Variants in CACNA1B observed in about 807,000 individuals in gnomAD.
CACNA1B encodes calcium voltage-gated channel subunit alpha1 B.
A neutral mutation model predicts 247.2 loss-of-function variants in CACNA1B; 70 were observed. The observed-to-expected ratio is 0.28, with a 90% CI of 0.23 to 0.35. The LOEUF (loss-of-function observed/expected upper bound fraction) is 0.35, where lower values mean the gene tolerates loss of function less well. Among genes scored for constraint, CACNA1B ranks in the 10% least tolerant of loss-of-function variants. The probability of loss-of-function intolerance (pLI) is 1.00; values close to 1 mark genes in which losing one functional copy is unlikely to be tolerated. For synonymous variants in CACNA1B, 1,231 were observed against 1,294.4 expected (o/e 0.95, Z 1.05); for missense variants, 2,367 against 3,197.4 (o/e 0.74, Z 6.26).
intron 36 of CACNA1B, among the ~76,000 whole-genome samples, chr9:138,080,108 G>A (rs1046958089): frequency 2.6e-5 from 4 of 152,196 alleles, no homozygotes; most frequent in African/African-American, 7.2e-5. Flanking sequence ...CAGCTGGCAT[G>A]GCTGTGCTTT....
intron 36 of CACNA1B, among the ~76,000 whole-genome samples, chr9:138,087,795 T>G (rs147679242): frequency 6.7e-6 from 1 of 149,198 alleles, no homozygotes; most frequent in Admixed American, 6.7e-5. Context: ...ACACATGTCA[T>G]GATAACTTGA....
At chr9:137,920,976 C>G (rs1413320203) in intron 6 of CACNA1B, among the ~76,000 whole-genome samples, 1 of 152,188 alleles carries the variant, frequency 6.6e-6, no homozygotes. Context: ...CTTTAGATAA[C>G]TATTTTCATA....
Position 138,058,778 on chromosome 9 carries a change from T to G in CACNA1B, c.4473+45T>G. The G allele has an allele frequency of 6.5e-7, 1 of 1,542,906 alleles. No individual in the cohort carries two copies. Among genetic ancestry groups the G allele is most frequent in the Non-Finnish European group, 8.8e-7 (1 of 1,135,616 alleles). On this transcript the variant is annotated intron_variant, in intron 29 of 46. Transcript: ENST00000371372. The surrounding 1 kb of genome is among the most constrained non-coding windows in gnomAD (Gnocchi z 4.7). Reference sequence around the variant, plus strand: ...GAGGGGCAGCTGGCGCTGCTAGGGATTGGGATCTAACCCTGAGGCTGAGTG... The same window carrying G: ...GAGGGGCAGCTGGCGCTGCTAGGGAGTGGGATCTAACCCTGAGGCTGAGTG...
intron 11 of CACNA1B, among the ~76,000 whole-genome samples, chr9:137,975,449 A>C (rs560378513): frequency 6.6e-6 from 1 of 151,988 alleles, no homozygotes; most frequent in East Asian, 1.9e-4. Context: ...GGAGATTCTG[A>C]CAAGGAGGTT....
chr9:138,080,442 AT>A (rs777394886), intron 36 of CACNA1B, among the ~76,000 whole-genome samples: 9 of 152,214 alleles, frequency 5.9e-5, no homozygotes, highest in Non-Finnish European at 1.2e-4. Context: ...CCGTCATTAC[AT>A]TATCATTGCA....
intron 20 of CACNA1B, among the ~76,000 whole-genome samples, chr9:138,043,034 G>C (rs923386017): frequency 6.6e-6 from 1 of 152,204 alleles, no homozygotes; most frequent in Non-Finnish European, 1.5e-5. Flanking sequence ...TAGGATAGTT[G>C]AAAATGAAGA....
Position 138,120,713 on chromosome 9 carries a change from G to A in CACNA1B, c.6321G>A (p.Glu2107=). The A allele has an allele frequency of 6.5e-7, 1 of 1,531,322 alleles. No individual in the cohort carries two copies. The highest frequency in any genetic ancestry group is 8.8e-7 in the Non-Finnish European group (1 of 1,142,324). 94.9% of individuals were successfully genotyped at this position (1,531,322 alleles called of 1,614,324 possible). A position where few individuals can be genotyped will look rare whatever the true frequency, so the allele number is the denominator to read the frequency against. The change falls in exon 46 of 47, where the codon GAG becomes GAA. Residue 2107 remains glutamate (E), a synonymous_variant. Coordinates refer to ENST00000371372, the MANE Select transcript of CACNA1B (RefSeq NM_000718.4). ...GGCGGGAACGAGAGCGCCGGCAGGA[G>A]CGGGGCCGGTCCCAGGAGCGGAGGC... is the stretch of plus-strand genomic sequence containing the variant. ...GCRRERERRQ[E]RGRSQERRQP...
Position 138,102,441 on chromosome 9 carries a change from C to T in CACNA1B, c.5223-270C>T, listed in dbSNP as rs1210634942. On this transcript the variant is annotated intron_variant, in intron 37 of 46. Coordinates refer to ENST00000371372, the MANE Select transcript of CACNA1B (RefSeq NM_000718.4). This position sits in a 1 kb window ranked among gnomAD's most constrained non-coding sequence, Gnocchi z 5.4. ...CCCTCCATGTTCATTAGCTCAGACGCCACCCCCGCCCACTGCCCCGCGTGG... is the reference window on the plus strand; with the variant it reads ...CCCTCCATGTTCATTAGCTCAGACGTCACCCCCGCCCACTGCCCCGCGTGG... 6.6e-6 allele frequency among the ~76,000 whole-genome samples: 1 copy of T among 152,186 alleles called. No individual in the cohort carries two copies. Among genetic ancestry groups the T allele is most frequent in the Non-Finnish European group, 1.5e-5 (1 of 68,040 alleles).
chr9:138,073,856 A>G lies in CACNA1B; in HGVS notation c.4792-145A>G. ...TTAGAGATAAAGAAACTGGGGCATC[A>G]CTTGGTGGAGGGGCTTGGTGGCCAG... On this transcript the variant is annotated intron_variant, in intron 33 of 46. Transcript: ENST00000371372. The surrounding 1 kb of genome is among the most constrained non-coding windows in gnomAD (Gnocchi z 6.4). 1.4e-6 allele frequency: 1 copy of G among 691,036 alleles called. No individual in the cohort carries two copies. Among genetic ancestry groups the G allele is most frequent in the East Asian group, 2.5e-5 (1 of 39,558 alleles). The allele number at this position is 691,036 out of a possible 1,614,324, so 42.8% of individuals were successfully genotyped here.
At position 138,121,551 on chromosome 9, in the gene CACNA1B, C is replaced by T. The variant is rs201164368; in HGVS notation, c.6572C>T (p.Pro2191Leu). 8.0e-5 allele frequency: 128 copies of T among 1,600,728 alleles called. No homozygotes were observed. The highest frequency in any genetic ancestry group is 1.0e-4 in the Non-Finnish European group (123 of 1,171,576). The change falls in exon 47 of 47, where the codon CCC becomes CTC. Residue 2191 changes from proline to leucine, a missense_variant. By Grantham distance (98) the Pro-to-Leu change is moderately conservative. Transcript: ENST00000371372. This position sits in a 1 kb window ranked among gnomAD's most constrained non-coding sequence, Gnocchi z 6.8. ...GGCCGCGGTGGGCGGAGGCAGCTCCCCCAGACGCCCCTGACTCCCCGCCCC... is the reference window on the plus strand; with the variant it reads ...GGCCGCGGTGGGCGGAGGCAGCTCCTCCAGACGCCCCTGACTCCCCGCCCC... ...TPGRGGRRQL[P>L]QTPLTPRPSI...
intron 36 of CACNA1B, among the ~76,000 whole-genome samples, chr9:138,081,680 C>A (rs1035519110): frequency 6.6e-5 from 10 of 150,920 alleles, no homozygotes; most frequent in African/African-American, 2.2e-4. Flanking sequence ...CTGTGACAGT[C>A]CTGAGATTGG....
In CACNA1B at chr9:137,882,735, T is replaced by C; in HGVS notation, c.391-9T>C. On this transcript the variant is annotated splice_polypyrimidine_tract_variant and intron_variant, in intron 2 of 46. Coordinates refer to ENST00000371372, the MANE Select transcript of CACNA1B (RefSeq NM_000718.4). This position sits in a 1 kb window ranked among gnomAD's most constrained non-coding sequence, Gnocchi z 4.0. ...GCCAGGGGTGACCACTGTTCTGCGCTTCTCCTAGGACGACACGGAGCCCTA... is the reference window on the plus strand; with the variant it reads ...GCCAGGGGTGACCACTGTTCTGCGCCTCTCCTAGGACGACACGGAGCCCTA... The C allele has an allele frequency of 6.2e-7, 1 of 1,613,878 alleles. No homozygotes were observed. The highest frequency in any genetic ancestry group is 8.5e-7 in the Non-Finnish European group (1 of 1,179,800).
At chr9:138,093,522 G>T (rs1960951209) in intron 36 of CACNA1B, among the ~76,000 whole-genome samples, 1 of 151,626 alleles carries the variant, frequency 6.6e-6, no homozygotes, top group Non-Finnish European at 1.5e-5. Context: ...AGGCAGATCA[G>T]TTGAGGCCAG....
At chr9:137,956,935 C>T (rs1957956302) in intron 9 of CACNA1B, 108 bp downstream of exon 9, 8 of 850,578 alleles carry the variant, frequency 9.4e-6, no homozygotes, top group Non-Finnish European at 1.6e-5. Context: ...TTGGCAGTGC[C>T]AGGCACCTGC....
intron 3 of CACNA1B, among the ~76,000 whole-genome samples, chr9:137,905,181 C>T (rs749663757): frequency 2.0e-5 from 3 of 151,866 alleles, no homozygotes; most frequent in African/African-American, 4.8e-5. Flanking sequence ...GGTGAAACCC[C>T]GTCTCTACTA....
intron 6 of CACNA1B, among the ~76,000 whole-genome samples, chr9:137,921,881 AG>A (rs1459787535): frequency 1.5e-3 from 51 of 34,842 alleles, no homozygotes; most frequent in African/African-American, 6.1e-3. Context: ...TCAGCACTGC[AG>A]CCGCGCAGCA....
intron 42 of CACNA1B, among the ~76,000 whole-genome samples, chr9:138,116,509 C>T (rs1185012931): frequency 6.6e-6 from 1 of 152,200 alleles, no homozygotes; most frequent in Non-Finnish European, 1.5e-5. Flanking sequence ...GAAAACCTTC[C>T]TTGCATTTAA....
rs774342861 is a variant in CACNA1B at position 138,117,973 on chromosome 9, G to A, written c.5805G>A (p.Glu1935=). The A allele has an allele frequency of 2.3e-5, 36 of 1,592,140 alleles. No individual in the cohort carries two copies. In the South Asian group the frequency reaches 3.6e-4, roughly 16 times the overall value. ...AAAACCAAGAGAGTGGCATCAAAGA[G>A]TCTGTCTCCTGGGGCACTCAAAGGA... ...AIQNQESGIK[E]SVSWGTQRTQ... The change falls in exon 43 of 47, where the codon GAG becomes GAA. Residue 1935 remains glutamate, a synonymous_variant. Coordinates refer to ENST00000371372, the MANE Select transcript of CACNA1B (RefSeq NM_000718.4).
At chr9:137,978,193 C>T (rs1452608543) in intron 12 of CACNA1B, among the ~76,000 whole-genome samples, 1 of 139,592 alleles carries the variant, frequency 7.2e-6, no homozygotes, top group Non-Finnish European at 1.6e-5. Flanking sequence ...GGAGCATTGC[C>T]CCCCCCCAGG....
Sources: allele counts gnomAD v4.1 joint callset (sites outside exome capture counted in the v4.1 genomes callset), GRCh38; gene constraint gnomAD v4.1.1; non-coding constraint Gnocchi (gnomAD v3.1); transcripts MANE v1.5; gene names NCBI Gene and HGNC (gene_info 2026-07-23, HGNC 2026-07-21).